Variants in ZNF763 observed in about 807,000 individuals in gnomAD.
ZNF763 encodes zinc finger protein 763.
ZNF763 carries 33 observed loss-of-function variants against 38.0 expected under a neutral mutation model. That is an observed-to-expected ratio of 0.87 (90% CI 0.66 to 1.16). ZNF763 has a LOEUF of 1.16. ZNF763 is among the 50% of genes most tolerant of loss of function. The probability of loss-of-function intolerance (pLI) is 0.00; values close to 1 mark genes in which losing one functional copy is unlikely to be tolerated. For synonymous variants in ZNF763, 155 were observed against 160.1 expected (o/e 0.97, Z 0.24); for missense variants, 423 against 469.1 (o/e 0.90, Z 0.91).
At chr19:11,971,914 T>A (rs1973359293) in intron 1 of ZNF763, among the ~76,000 whole-genome samples, 1 of 151,942 alleles carries the variant, frequency 6.6e-6, no homozygotes, top group Admixed American at 6.6e-5. Flanking sequence ...AATACAAAAT[T>A]AGCCAGGCGT....
chr19:11,978,443 T>C lies in ZNF763; in HGVS notation c.519T>C (p.Ala173=). ...ERNHTGEKPY[A]CKECGKTFIS... ...ATCACACCGGAGAGAAACCCTATGC[T>C]TGTAAAGAATGTGGAAAAACCTTTA... is the stretch of plus-strand genomic sequence containing the variant. The change falls in exon 4 of 4, where the codon GCT becomes GCC. Residue 173 remains alanine, a synonymous_variant. Transcript: ENST00000358987. The C allele has an allele frequency of 6.2e-7, 1 of 1,614,084 alleles. No individual in the cohort carries two copies. Among genetic ancestry groups the C allele is most frequent in the Non-Finnish European group, 8.5e-7 (1 of 1,179,990 alleles).
At chr19:11,972,276 C>T (rs1428341134) in intron 1 of ZNF763, among the ~76,000 whole-genome samples, 1 of 150,956 alleles carries the variant, frequency 6.6e-6, no homozygotes, top group African/African-American at 2.4e-5. Context: ...CAGAATGAGC[C>T]TGAGACCCTG....
chr19:11,977,023 T>C lies in ZNF763; in HGVS notation c.4-15T>C, dbSNP rs1378570495. The C allele has an allele frequency of 3.1e-6, 5 of 1,613,896 alleles. No individual in the cohort carries two copies. In the South Asian group the frequency reaches 4.4e-5, roughly 14 times the overall value. ...ACTCTCACCCAGCCTCCTCTACACATGTGAGATGTTTCAGGACCCTGTGGC... is the reference window on the plus strand; with the variant it reads ...ACTCTCACCCAGCCTCCTCTACACACGTGAGATGTTTCAGGACCCTGTGGC... On this transcript the variant is annotated splice_polypyrimidine_tract_variant and intron_variant, in intron 1 of 3. Coordinates refer to ENST00000358987, the MANE Select transcript of ZNF763 (RefSeq NM_001367172.2).
intron 1 of ZNF763, among the ~76,000 whole-genome samples, chr19:11,970,948 A>G (rs1228155750): frequency 1.3e-5 from 2 of 152,138 alleles, no homozygotes; most frequent in East Asian, 1.9e-4. Flanking sequence ...TAAAAAAAAA[A>G]CTAAAAAACT....
At chr19:11,972,846 C>G (rs140996101) in intron 1 of ZNF763, among the ~76,000 whole-genome samples, 1 of 151,762 alleles carries the variant, frequency 6.6e-6, no homozygotes, top group Non-Finnish European at 1.5e-5. Context: ...AATCCTACCA[C>G]TTAGGGAGGC....
In ZNF763 at chr19:11,980,172, G is replaced by T. The variant is rs1973589747; in HGVS notation, c.*1063G>T. 2 of 618,134 alleles carry T rather than the reference G, an allele frequency of 3.2e-6. No individual in the cohort carries two copies. Among genetic ancestry groups the T allele is most frequent in the Non-Finnish European group, 5.5e-6 (2 of 363,816 alleles). The allele number at this position is 618,134 out of a possible 1,614,324, so 38.3% of individuals were successfully genotyped here. A position where few individuals can be genotyped will look rare whatever the true frequency, so the allele number is the denominator to read the frequency against. ...AAGCAGGTGAATCACCTGAGGTCAG[G>T]AGTTCAAGACTGGCCTGATCAATAT... On this transcript the variant is annotated 3_prime_UTR_variant, in exon 4 of 4. Transcript: ENST00000358987.
At chr19:11,973,010 C>T (rs1048770664) in intron 1 of ZNF763, among the ~76,000 whole-genome samples, 28 of 152,052 alleles carry the variant, frequency 1.8e-4, no homozygotes, top group African/African-American at 6.0e-4. Flanking sequence ...CATGTGAACA[C>T]GATGGAAATT....
intron 1 of ZNF763, among the ~76,000 whole-genome samples, chr19:11,976,296 G>T (rs1004141364): frequency 1.3e-5 from 2 of 151,522 alleles, no homozygotes; most frequent in Non-Finnish European, 2.9e-5. Context: ...AGACAGTAGG[G>T]ACAGCCCAGG....
chr19:11,979,886 G>C lies in ZNF763; in HGVS notation c.*777G>C. On this transcript the variant is annotated 3_prime_UTR_variant, in exon 4 of 4. Coordinates refer to ENST00000358987, the MANE Select transcript of ZNF763 (RefSeq NM_001367172.2). ...AACACACGTAAGAATGCACTCTGTAGAAAGACCTTATAAATGTAAGATATG... is the reference window on the plus strand; with the variant it reads ...AACACACGTAAGAATGCACTCTGTACAAAGACCTTATAAATGTAAGATATG... The C allele has an allele frequency of 5.6e-6, 8 of 1,433,530 alleles. No individual in the cohort carries two copies. Among genetic ancestry groups the C allele is most frequent in the Non-Finnish European group, 7.8e-6 (8 of 1,020,954 alleles). The allele number at this position is 1,433,530 out of a possible 1,614,324, so 88.8% of individuals were successfully genotyped here. A position where few individuals can be genotyped will look rare whatever the true frequency, so the allele number is the denominator to read the frequency against.
chr19:11,972,224 G>A (rs1002453755), intron 1 of ZNF763, among the ~76,000 whole-genome samples: 6 of 151,938 alleles, frequency 3.9e-5, no homozygotes, highest in Non-Finnish European at 8.8e-5. Flanking sequence ...GTTTGAGGCT[G>A]CAGTGAGCTA....
chr19:11,975,689 A>T (rs1973475056), intron 1 of ZNF763, among the ~76,000 whole-genome samples: 1 of 152,028 alleles, frequency 6.6e-6, no homozygotes, highest in African/African-American at 2.4e-5. Context: ...GGCCTTTAAG[A>T]TGTTACTTTC....
chr19:11,967,428 G>A (rs1168419222), intron 1 of ZNF763, among the ~76,000 whole-genome samples: 9 of 151,786 alleles, frequency 5.9e-5, no homozygotes, highest in Admixed American at 2.6e-4. Flanking sequence ...TTTTTGAGAC[G>A]GAGTCTCGCT....
chr19:11,974,127 T>TTC (rs1268518910), intron 1 of ZNF763, among the ~76,000 whole-genome samples: 1 of 31,990 alleles, frequency 3.1e-5, no homozygotes, highest in Non-Finnish European at 7.6e-5. Flanking sequence ...CTTTCTTTCT[T>TTC]TTCTTTCTTT....
rs1472788907 is a variant in ZNF763, at chr19:11,979,758, G to C, written c.*649G>C. 6.3e-7 allele frequency: 1 copy of C among 1,578,232 alleles called. No individual in the cohort carries two copies. The highest frequency in any genetic ancestry group is 1.4e-5 in the African/African-American group (1 of 73,350). On this transcript the variant is annotated 3_prime_UTR_variant, in exon 4 of 4. Coordinates refer to ENST00000358987, the MANE Select transcript of ZNF763 (RefSeq NM_001367172.2). ...GCCTTCAGATCTGCCCCACACCTTC[G>C]AATCCATGGTAGAACTCACACTGGA...
At chr19:11,970,442 A>C (rs1383649071) in intron 1 of ZNF763, among the ~76,000 whole-genome samples, 1 of 152,250 alleles carries the variant, frequency 6.6e-6, no homozygotes, top group Non-Finnish European at 1.5e-5. Flanking sequence ...ATCCATAAAG[A>C]AAATGCATGC....
At position 11,978,939 on chromosome 19, in the gene ZNF763, C is replaced by G; in HGVS notation, c.1015C>G (p.Pro339Ala). Residue 339 changes from proline to alanine, a missense_variant, in exon 4 of 4, where the codon CCT (proline) becomes GCT (alanine). Physicochemically the swap from Pro to Ala is conservative, Grantham distance 27 (BLOSUM62 -1). Coordinates refer to ENST00000358987, the MANE Select transcript of ZNF763 (RefSeq NM_001367172.2). ...RHKRSHTGEK[P>A]YQCKECRKAF... ...TAAAAGGAGTCACACGGGAGAGAAGCCTTATCAATGTAAGGAATGTAGAAA... is the reference window on the plus strand; with the variant it reads ...TAAAAGGAGTCACACGGGAGAGAAGGCTTATCAATGTAAGGAATGTAGAAA... The G allele has an allele frequency of 3.7e-6, 6 of 1,614,158 alleles. No individual in the cohort carries two copies. The highest frequency in any genetic ancestry group is 5.1e-6 in the Non-Finnish European group (6 of 1,180,038).
intron 3 of ZNF763, among the ~76,000 whole-genome samples, chr19:11,977,730 A>G (rs1274026114): frequency 2.6e-5 from 4 of 152,166 alleles, no homozygotes; most frequent in Admixed American, 1.3e-4. Context: ...TGTGGTATGC[A>G]TCGTAGTCCT....
intron 1 of ZNF763, chr19:11,976,824 A>G: frequency 7.3e-7 from 1 of 1,373,980 alleles, no homozygotes; most frequent in Non-Finnish European, 9.4e-7. Flanking sequence ...ATTATACTCC[A>G]GCCTGGGCAA....
At chr19:11,977,905 G>A (rs1276472334) in intron 3 of ZNF763, among the ~76,000 whole-genome samples, 1 of 151,986 alleles carries the variant, frequency 6.6e-6, no homozygotes, top group East Asian at 1.9e-4. Flanking sequence ...TAGTTTACAT[G>A]GGAATAGTAT....
Sources: gnomAD v4.1 joint callset for allele counts (sites outside exome capture counted in the v4.1 genomes callset) on GRCh38, gnomAD v4.1.1 for gene constraint, MANE v1.5 for transcripts, NCBI Gene and HGNC (gene_info 2026-07-23, HGNC 2026-07-21) for gene names.